Variants in PIWIL4 observed in about 807,000 individuals in gnomAD.
PIWIL4 encodes piwi-like protein 4.
In PIWIL4, 50 loss-of-function variants were observed where a neutral mutation model predicts 100.9. That is an observed-to-expected ratio of 0.50 (90% CI 0.39 to 0.63). The LOEUF is 0.63. Ranked by LOEUF, PIWIL4 falls within the 20% of genes least tolerant of loss-of-function variation. The pLI, the probability that PIWIL4 is intolerant of heterozygous loss-of-function variation, is 0.00. For missense variants in PIWIL4, 887 were observed against 1,043.3 expected, an observed-to-expected ratio of 0.85 and a Z score of 2.06; for synonymous variants, 342 against 367.5, an observed-to-expected ratio of 0.93 and a Z score of 0.79.
At position 94,568,772 on chromosome 11, in the gene PIWIL4, A is replaced by G. The variant is rs753849450; in HGVS notation, c.130A>G (p.Asn44Asp). The G allele has an allele frequency of 1.6e-5, 26 of 1,610,360 alleles. 1 individual carries two copies. In the Admixed American group the frequency reaches 4.3e-4, roughly 27 times the overall value. ...DLSNNEASSS[N>D]GFLGTSRIST... ...TAGTAACAATGAAGCATCCTCTAGC[A>G]ATGGCTTCTTGGGAACAAGCAGGAT... is the stretch of plus-strand genomic sequence containing the variant. Residue 44 changes from asparagine (N) to aspartate (D), a missense_variant, in exon 2 of 20, where the codon AAT (asparagine) becomes GAT (aspartate). Physicochemically the swap from Asn to Asp is conservative, Grantham distance 23. Transcript: ENST00000299001.
At chr11:94,597,566 GGTCT>G (rs1948572980) in intron 10 of PIWIL4, among the ~76,000 whole-genome samples, 1 of 152,176 alleles carries the variant, frequency 6.6e-6, no homozygotes, top group African/African-American at 2.4e-5. Flanking sequence ...GTTAAACCCA[GGTCT>G]GTCTGGCTCG....
At chr11:94,571,090 T>G (rs16920631) in intron 2 of PIWIL4, among the ~76,000 whole-genome samples, 1,960 of 152,212 alleles carry the variant, frequency 0.013, 24 homozygotes, top group Non-Finnish European at 0.021. Flanking sequence ...ACTGGGAGTT[T>G]TCCAGTCCTG....
intron 15 of PIWIL4, among the ~76,000 whole-genome samples, chr11:94,612,889 T>C (rs979965453): frequency 1.3e-5 from 2 of 152,184 alleles, no homozygotes; most frequent in African/African-American, 4.8e-5. Context: ...TATGCATTAA[T>C]TATATTGTGT....
chr11:94,574,919 A>G, intron 2 of PIWIL4, 80 bp from the exon 3 acceptor site: 4 of 1,397,984 alleles, frequency 2.9e-6, no homozygotes, highest in South Asian at 2.5e-5. Flanking sequence ...TTGGATTGCA[A>G]TGCATTTTTG....
intron 6 of PIWIL4, among the ~76,000 whole-genome samples, chr11:94,586,765 AG>A (rs1484276641): frequency 6.6e-6 from 1 of 152,222 alleles, no homozygotes; most frequent in Non-Finnish European, 1.5e-5. Context: ...AACATCCTAC[AG>A]TACACAGGAC....
intron 15 of PIWIL4, among the ~76,000 whole-genome samples, chr11:94,613,509 A>G (rs779666546): frequency 7.2e-5 from 11 of 152,310 alleles, no homozygotes; most frequent in Middle Eastern, 6.8e-3. Flanking sequence ...TCCAGATTCA[A>G]GAACATTTTA....
intron 5 of PIWIL4, among the ~76,000 whole-genome samples, chr11:94,584,704 G>A (rs1169159025): frequency 6.6e-6 from 1 of 152,188 alleles, no homozygotes; most frequent in Non-Finnish European, 1.5e-5. Flanking sequence ...AGGTGACCAG[G>A]ATTACTTGCT....
chr11:94,617,281 T>C (rs999484127), intron 16 of PIWIL4, among the ~76,000 whole-genome samples: 1 of 152,212 alleles, frequency 6.6e-6, no homozygotes, highest in African/African-American at 2.4e-5. Flanking sequence ...ATGCAATATA[T>C]ACATGAAAAT....
In PIWIL4 at chr11:94,607,564, G is replaced by T. The variant is rs1163025883; in HGVS notation, c.1764G>T (p.Met588Ile). Reference protein sequence around the residue: ...LARTLNKQGMMMSIATKIAMQ... With the variant: ...LARTLNKQGMIMSIATKIAMQ... ...GGACCTTGAATAAACAGGGCATGATGATGAGTATCGCCACCAAGATCGCTA... is the reference window on the plus strand; with the variant it reads ...GGACCTTGAATAAACAGGGCATGATTATGAGTATCGCCACCAAGATCGCTA... Residue 588 changes from methionine to isoleucine, a missense_variant, in exon 14 of 20, where the codon ATG (methionine) becomes ATT (isoleucine). By Grantham distance (10) the Met-to-Ile change is conservative. This residue lies in a region of PIWIL4 where 741 missense variants were observed against 930.0 expected (regional missense o/e 0.80). Coordinates refer to ENST00000299001, the MANE Select transcript of PIWIL4 (RefSeq NM_152431.3). 6.2e-7 allele frequency: 1 copy of T among 1,614,138 alleles called. No homozygotes were observed. The highest frequency in any genetic ancestry group is 1.1e-5 in the South Asian group (1 of 91,086).
chr11:94,592,594 T>C (rs140534127), intron 8 of PIWIL4, among the ~76,000 whole-genome samples: 1 of 152,382 alleles, frequency 6.6e-6, no homozygotes, highest in African/African-American at 2.4e-5. Flanking sequence ...ACAAAGTTTT[T>C]CTTGAAATAT....
chr11:94,577,144 C>G, intron 3 of PIWIL4, 134 bp from the exon 4 acceptor site: 1 of 683,386 alleles, frequency 1.5e-6, no homozygotes, highest in Non-Finnish European at 2.4e-6. Context: ...AGGATTTATC[C>G]TGTGTCACTG....
intron 11 of PIWIL4, among the ~76,000 whole-genome samples, chr11:94,598,502 T>C (rs1948589091): frequency 1.3e-5 from 2 of 152,010 alleles, no homozygotes; most frequent in African/African-American, 4.8e-5. Context: ...GCTGAAGAAA[T>C]GAACCTATTA....
Position 94,619,832 on chromosome 11 carries a change from A to G in PIWIL4, c.2241A>G (p.Val747=), listed in dbSNP as rs763675290. 1 of 1,614,240 alleles carries G rather than the reference A, an allele frequency of 6.2e-7. No homozygotes were observed. The highest frequency in any genetic ancestry group is 1.1e-5 in the South Asian group (1 of 91,088). The change falls in exon 18 of 20, where the codon GTA becomes GTG. Residue 747 remains valine, a synonymous_variant. Coordinates refer to ENST00000299001, the MANE Select transcript of PIWIL4 (RefSeq NM_152431.3). ...TCTTTACCGAAATGAACCGCACTGT[A>G]CAGAACCCCCCACTTGGCACTGTTG... The part of the protein sequence containing the change: ...PRFFTEMNRT[V]QNPPLGTVVD...
chr11:94,574,672 G>C (rs919990267), intron 2 of PIWIL4, among the ~76,000 whole-genome samples: 3 of 152,132 alleles, frequency 2.0e-5, no homozygotes, highest in African/African-American at 7.2e-5. Flanking sequence ...GGTAGAGACA[G>C]GGTTTCAACA....
rs781505518 is a variant in PIWIL4, at chr11:94,595,414, A to G, written c.1256A>G (p.Asp419Gly). Residue 419 changes from aspartate (D) to glycine (G), a missense_variant, in exon 10 of 20, where the codon GAC (aspartate) becomes GGC (glycine). Around this residue, in one of 2 missense-constraint regions of PIWIL4, gnomAD observed 741 missense variants for 930.0 expected, o/e 0.80. Coordinates refer to ENST00000299001, the MANE Select transcript of PIWIL4 (RefSeq NM_152431.3). Reference protein sequence around the residue: ...GRQQRLARLVDNIQRNTNARF... With the variant: ...GRQQRLARLVGNIQRNTNARF... ...CAGCAGCGCCTGGCCAGGCTTGTGG[A>G]CAACATCCAGAGGTACTGGATCACC... 3 of 1,613,038 alleles carry G rather than the reference A, an allele frequency of 1.9e-6. No individual in the cohort carries two copies. The highest frequency in any genetic ancestry group is 2.2e-5 in the East Asian group (1 of 44,890).
chr11:94,574,137 A>G (rs1025345982), intron 2 of PIWIL4, among the ~76,000 whole-genome samples: 2 of 152,244 alleles, frequency 1.3e-5, no homozygotes, highest in Admixed American at 1.3e-4. Context: ...TAATTTAAAC[A>G]GAAAATACTC....
intron 8 of PIWIL4, among the ~76,000 whole-genome samples, chr11:94,593,104 T>G (rs184200478): frequency 2.8e-4 from 43 of 152,286 alleles, no homozygotes; most frequent in African/African-American, 9.1e-4. Flanking sequence ...CGCCTCCAGC[T>G]TGTGTATAGA....
chr11:94,590,539 A>G (rs1948469649), intron 8 of PIWIL4, among the ~76,000 whole-genome samples: 1 of 152,162 alleles, frequency 6.6e-6, no homozygotes, highest in South Asian at 2.1e-4. Context: ...CAAATTACAT[A>G]TTCATCTCCA....
At chr11:94,586,530 C>T (rs553996675) in intron 6 of PIWIL4, among the ~76,000 whole-genome samples, 1 of 152,226 alleles carries the variant, frequency 6.6e-6, no homozygotes, top group African/African-American at 2.4e-5. Context: ...TAAATCTATC[C>T]ACTGCCCTCA....
Sources: allele counts gnomAD v4.1 joint callset (sites outside exome capture counted in the v4.1 genomes callset), GRCh38; gene constraint gnomAD v4.1.1; regional missense constraint gnomAD v4.1.1; transcripts MANE v1.5; gene names NCBI Gene and HGNC (gene_info 2026-07-23, HGNC 2026-07-21).